SHOC1: variants seen among roughly 807,000 people sequenced by gnomAD.
SHOC1 encodes the protein protein shortage in chiasmata 1 ortholog.
A neutral mutation model predicts 179.2 loss-of-function variants in SHOC1; 136 were observed. That is an observed-to-expected ratio of 0.76 (90% CI 0.66 to 0.87). SHOC1 has a LOEUF of 0.87. Among genes scored for constraint, SHOC1 ranks in the 40% least tolerant of loss-of-function variants. The pLI is 0.00. For missense variants in SHOC1, 1,538 were observed against 1,700.8 expected, an observed-to-expected ratio of 0.90 and a Z score of 1.68; for synonymous variants, 489 against 586.6, an observed-to-expected ratio of 0.83 and a Z score of 2.41.
intron 5 of SHOC1, among the ~76,000 whole-genome samples, chr9:111,775,562 C>T (rs1835796977): frequency 6.6e-6 from 1 of 152,110 alleles, no homozygotes; most frequent in African/African-American, 2.4e-5. Context: ...ATGATCAAAT[C>T]TCTGCAGGTT....
At chr9:111,792,510 G>A (rs1319135584) in intron 1 of SHOC1, among the ~76,000 whole-genome samples, 11 of 152,252 alleles carry the variant, frequency 7.2e-5, no homozygotes, top group Non-Finnish European at 8.8e-5. Context: ...GCTGAGGCAC[G>A]AGAATTGCTT....
In SHOC1 at chr9:111,692,452, C is replaced by A. The variant is rs12343237; in HGVS notation, c.3525G>T (p.Pro1175=). 6.9e-6 allele frequency: 11 copies of A among 1,603,954 alleles called. No individual in the cohort carries two copies. Among genetic ancestry groups the A allele is most frequent in the Non-Finnish European group, 9.4e-6 (11 of 1,175,072 alleles). Residue 1175 remains proline, a synonymous_variant, in exon 27 of 28, where the codon CCG becomes CCT. Coordinates refer to ENST00000682961, the MANE Select transcript of SHOC1 (RefSeq NM_001378211.1). ...TATTTTCCTGAGGTGACGAAATTTG[C>A]GGTGATTTTGTTATGGAAGAAGAAC... ...KIGSSSITKS[P]QISSPQENRN...
intron 24 of SHOC1, among the ~76,000 whole-genome samples, chr9:111,696,020 C>T (rs1344111596): frequency 6.6e-6 from 1 of 152,002 alleles, no homozygotes; most frequent in African/African-American, 2.4e-5. Context: ...TTTATGATGG[C>T]GATAATGACA....
intron 5 of SHOC1, 56 bp downstream of exon 5, chr9:111,775,735 G>C (rs1396177737): frequency 2.8e-6 from 4 of 1,438,350 alleles, no homozygotes; most frequent in Non-Finnish European, 3.8e-6. Context: ...TCACTGAAAA[G>C]AATATGTGTA....
intron 5 of SHOC1, among the ~76,000 whole-genome samples, chr9:111,761,304 C>T (rs1453214263): frequency 6.6e-6 from 1 of 152,120 alleles, no homozygotes; most frequent in Non-Finnish European, 1.5e-5. Context: ...AAGTTCGAGA[C>T]CAGCCTGGCC....
intron 8 of SHOC1, among the ~76,000 whole-genome samples, chr9:111,750,558 C>T (rs1456565613): frequency 1.3e-5 from 2 of 152,214 alleles, no homozygotes; most frequent in Non-Finnish European, 2.9e-5. Context: ...TGGTCTCAAA[C>T]TCCTGACCTC....
chr9:111,724,626 C>T lies in SHOC1; in HGVS notation c.1835-715G>A, dbSNP rs535796935. Among the ~76,000 whole-genome samples, 67 of 152,218 alleles carry T rather than the reference C, an allele frequency of 4.4e-4. 1 individual carries two copies. The highest frequency in any genetic ancestry group is 1.5e-3 in the African/African-American group (61 of 41,540). The stretch of plus-strand genomic sequence containing the variant: ...CTGCCTACCCAAAGTGCTGGGATTA[C>T]AGGCATGAGCTACCATGCCTGACCT... On this transcript the variant is annotated intron_variant, in intron 13 of 27. Coordinates refer to ENST00000682961, the MANE Select transcript of SHOC1 (RefSeq NM_001378211.1).
At chr9:111,743,319 C>T (rs1834125848) in intron 10 of SHOC1, among the ~76,000 whole-genome samples, 1 of 152,136 alleles carries the variant, frequency 6.6e-6, no homozygotes, top group Non-Finnish European at 1.5e-5. Flanking sequence ...TACTCGGTTT[C>T]ATTTATCTGT....
intron 27 of SHOC1, among the ~76,000 whole-genome samples, chr9:111,689,687 T>C (rs948576774): frequency 1.3e-5 from 2 of 152,088 alleles, no homozygotes; most frequent in Non-Finnish European, 2.9e-5. Context: ...TGAATAAAAT[T>C]ATTTCATGGA....
chr9:111,740,980 C>G (rs1465648359), intron 11 of SHOC1, among the ~76,000 whole-genome samples: 4 of 152,128 alleles, frequency 2.6e-5, no homozygotes, highest in Non-Finnish European at 4.4e-5. Context: ...CTCCGCCTCC[C>G]AGGTTTTCAA....
intron 8 of SHOC1, among the ~76,000 whole-genome samples, chr9:111,750,394 G>A (rs180873140): frequency 7.2e-5 from 11 of 152,030 alleles, no homozygotes; most frequent in Non-Finnish European, 1.6e-4. Flanking sequence ...GAGTGCAATG[G>A]CGTGGTCTTA....
chr9:111,759,291 AG>A (rs752663880), intron 5 of SHOC1: 1 of 1,611,858 alleles, frequency 6.2e-7, no homozygotes, highest in Non-Finnish European at 8.5e-7. Context: ...TCTGACATGT[AG>A]GGAATGGAGA....
chr9:111,717,882 C>T (rs1832867221), intron 16 of SHOC1, among the ~76,000 whole-genome samples: 1 of 152,056 alleles, frequency 6.6e-6, no homozygotes, highest in South Asian at 2.1e-4. Context: ...GACAAAATGT[C>T]AAATCTCACA....
chr9:111,749,673 C>G (rs932386031), intron 8 of SHOC1, among the ~76,000 whole-genome samples: 2 of 152,102 alleles, frequency 1.3e-5, no homozygotes, highest in African/African-American at 4.8e-5. Flanking sequence ...TCTTCCTCCC[C>G]CTACATCACC....
intron 5 of SHOC1, 70 bp downstream of exon 5, chr9:111,775,721 A>C (rs1835804428): frequency 1.5e-6 from 2 of 1,362,218 alleles, no homozygotes; most frequent in Non-Finnish European, 2.0e-6. Context: ...CTCAAACAAA[A>C]AACTCACTGA....
At chr9:111,744,822 A>G (rs557313438) in intron 10 of SHOC1, among the ~76,000 whole-genome samples, 29 of 152,324 alleles carry the variant, frequency 1.9e-4, no homozygotes, top group Non-Finnish European at 3.2e-4. Context: ...AGACTAATCA[A>G]TCTTAGAAAA....
At chr9:111,744,333 A>G (rs923982067) in intron 10 of SHOC1, among the ~76,000 whole-genome samples, 3 of 152,206 alleles carry the variant, frequency 2.0e-5, no homozygotes, top group African/African-American at 7.2e-5. Flanking sequence ...TACTTGTCCT[A>G]TGCTCTTTTT....
intron 5 of SHOC1, among the ~76,000 whole-genome samples, chr9:111,773,762 C>T (rs1835716896): frequency 6.6e-6 from 1 of 151,926 alleles, no homozygotes; most frequent in East Asian, 1.9e-4. Context: ...AAACCAACAA[C>T]CATAAAAGAA....
In SHOC1 at chr9:111,780,979, C is replaced by A. The variant is rs757239234; in HGVS notation, c.208G>T (p.Val70Phe). The change falls in exon 4 of 28, where the codon GTC becomes TTC. Residue 70 changes from valine (V) to phenylalanine (F), a missense_variant. Val to Phe is a conservative substitution (Grantham distance 50, BLOSUM62 -1). Transcript: ENST00000682961. ...AAACTTGCTTTCCATTGGTCCAAGA[C>A]TGAGGTATCTGTCATTCCCGGAACT... Reference protein sequence around the residue: ...VSVPGMTDTSVLDQWKASFFV... With the variant: ...VSVPGMTDTSFLDQWKASFFV... 18 of 1,613,510 alleles carry A rather than the reference C, an allele frequency of 1.1e-5. 1 individual carries two copies. In the East Asian group the frequency reaches 4.0e-4, roughly 36 times the overall value.
Sources: allele counts gnomAD v4.1 joint callset (sites outside exome capture counted in the v4.1 genomes callset), GRCh38; gene constraint gnomAD v4.1.1; transcripts MANE v1.5; gene names NCBI Gene and HGNC (gene_info 2026-07-23, HGNC 2026-07-21).